UBAP2L: variants seen among roughly 807,000 people sequenced by gnomAD.
UBAP2L encodes ubiquitin associated protein 2 like.
UBAP2L carries 12 observed loss-of-function variants against 130.6 expected under a neutral mutation model. The ratio of observed to expected loss-of-function variants is 0.09; its 90% CI spans 0.06 to 0.15. UBAP2L has a LOEUF of 0.15. Among genes scored for constraint, UBAP2L ranks in the 10% least tolerant of loss-of-function variants. The pLI, the probability that UBAP2L is intolerant of heterozygous loss-of-function variation, is 1.00. For synonymous variants in UBAP2L, 503 were observed against 524.7 expected, an observed-to-expected ratio of 0.96 and a Z score of 0.57; for missense variants, 965 against 1,332.5, an observed-to-expected ratio of 0.72 and a Z score of 4.29.
intron 6 of UBAP2L, 32 bp from the exon 7 acceptor site, chr1:154,236,534 T>A: frequency 1.2e-6 from 2 of 1,613,196 alleles, no homozygotes; most frequent in Non-Finnish European, 1.7e-6. Flanking sequence ...CTAAAATACA[T>A]CTCTCTTCTC....
intron 26 of UBAP2L, chr1:154,269,472 T>C (rs1296306010): frequency 7.1e-6 from 9 of 1,270,060 alleles, no homozygotes; most frequent in African/African-American, 4.6e-5. Flanking sequence ...CATTTCACCT[T>C]CACAGCCTCA....
chr1:154,241,443 A>T, intron 8 of UBAP2L, 70 bp from the exon 9 acceptor site: 1 of 1,500,094 alleles, frequency 6.7e-7, no homozygotes, highest in South Asian at 1.2e-5. Flanking sequence ...TAATACATTG[A>T]TGTTTTCTAT....
At chr1:154,269,712 G>T (rs1684314904) in intron 26 of UBAP2L, 1 of 322,048 alleles carries the variant, frequency 3.1e-6, no homozygotes, top group Non-Finnish European at 6.1e-6. Flanking sequence ...CCTGAAATGG[G>T]CTCACAGATG....
intron 17 of UBAP2L, among the ~76,000 whole-genome samples, 168 bp from the exon 18 acceptor site, chr1:154,255,515 T>G (rs1679333127): frequency 6.6e-6 from 1 of 152,234 alleles, no homozygotes; most frequent in South Asian, 2.1e-4. Context: ...ACATCCACTT[T>G]TGCTTTAACT....
intron 8 of UBAP2L, among the ~76,000 whole-genome samples, chr1:154,238,242 G>A (rs1672318661): frequency 6.6e-6 from 1 of 152,206 alleles, no homozygotes; most frequent in African/African-American, 2.4e-5. Context: ...GGAGGCTGAA[G>A]TTGAGTTACA....
Position 154,266,547 on chromosome 1 carries a change from T to C in UBAP2L, c.2949T>C (p.Gly983=). ...SSNTGVPDIS[G]SVYSKTQQSF... Reference sequence around the variant, plus strand: ...ACACGGGCGTGCCAGATATCTCGGGTTCTGTGTACTCCAAAACCCAGGTAG... The same window carrying C: ...ACACGGGCGTGCCAGATATCTCGGGCTCTGTGTACTCCAAAACCCAGGTAG... Residue 983 remains glycine, a synonymous_variant, in exon 25 of 27, where the codon GGT becomes GGC. Transcript: ENST00000428931. 1 of 1,614,110 alleles carries C rather than the reference T, an allele frequency of 6.2e-7. No individual in the cohort carries two copies. The highest frequency in any genetic ancestry group is 8.5e-7 in the Non-Finnish European group (1 of 1,180,026).
intron 4 of UBAP2L, 25 bp from the exon 5 acceptor site, chr1:154,234,566 A>C: frequency 1.2e-6 from 2 of 1,612,762 alleles, no homozygotes; most frequent in Non-Finnish European, 1.7e-6. Flanking sequence ...TATTGATTAG[A>C]TATGAATGCT....
chr1:154,268,173 G>T (rs1286136802), intron 25 of UBAP2L, among the ~76,000 whole-genome samples: 1 of 151,762 alleles, frequency 6.6e-6, no homozygotes, highest in African/African-American at 2.4e-5. Context: ...ACAGGCATGG[G>T]CCACTGCGCC....
At chr1:154,243,396 G>T (rs1344700877) in intron 10 of UBAP2L, 94 bp downstream of exon 10, 2 of 1,053,816 alleles carry the variant, frequency 1.9e-6, no homozygotes, top group Non-Finnish European at 2.8e-6. Context: ...AACTCCCATG[G>T]TGTCAATAAT....
chr1:154,270,898 C>T (rs1684638018), downstream of UBAP2L: 2 of 1,548,692 alleles, frequency 1.3e-6, no homozygotes, highest in South Asian at 1.2e-5. Context: ...TCAATTTCGT[C>T]GATGACCAGC....
chr1:154,224,163 C>G (rs1381318444), intron 1 of UBAP2L, among the ~76,000 whole-genome samples: 1 of 152,160 alleles, frequency 6.6e-6, no homozygotes, highest in African/African-American at 2.4e-5. Context: ...CCTGTGTGTT[C>G]TGTGTCTCTT....
At chr1:154,245,458 A>T (rs1558168936) in intron 10 of UBAP2L, among the ~76,000 whole-genome samples, 2 of 152,204 alleles carry the variant, frequency 1.3e-5, no homozygotes, top group African/African-American at 2.4e-5. Context: ...GTGGGAAAAA[A>T]TATCTCTCAG....
At chr1:154,267,295 A>C (rs1683552105) in intron 25 of UBAP2L, among the ~76,000 whole-genome samples, 1 of 149,902 alleles carries the variant, frequency 6.7e-6, no homozygotes, top group African/African-American at 2.5e-5. Context: ...AGCTGGGATT[A>C]CAGGTGCCCA....
At chr1:154,250,401 A>G (rs767734984) in intron 12 of UBAP2L, among the ~76,000 whole-genome samples, 3 of 152,112 alleles carry the variant, frequency 2.0e-5, no homozygotes, top group East Asian at 1.9e-4. Flanking sequence ...GAAGGAAACA[A>G]CGTTATGCCA....
intron 25 of UBAP2L, 52 bp from the exon 26 acceptor site, chr1:154,268,703 CAA>C: frequency 1.3e-6 from 2 of 1,585,204 alleles, no homozygotes; most frequent in Non-Finnish European, 1.7e-6. Context: ...GGAAAAATCC[CAA>C]GACTAGTTTG....
At chr1:154,255,911 G>A (rs1350517435) in intron 18 of UBAP2L, among the ~76,000 whole-genome samples, 156 bp downstream of exon 18, 1 of 152,250 alleles carries the variant, frequency 6.6e-6, no homozygotes, top group Non-Finnish European at 1.5e-5. Context: ...ATGTTAGGAA[G>A]CCAAGAGAGG....
At position 154,267,964 on chromosome 1, in the gene UBAP2L, A is replaced by G. The variant is rs1425600249; in HGVS notation, c.2971-793A>G. ...GAGTGTAATGGTGCGATCTGGGCTC[A>G]CCATAACCTCCGCCTCTCGGGTTCA... On this transcript the variant is annotated intron_variant, in intron 25 of 26. Coordinates refer to ENST00000428931, the MANE Select transcript of UBAP2L (RefSeq NM_014847.4). 5.4e-5 allele frequency among the ~76,000 whole-genome samples: 7 copies of G among 129,446 alleles called. No homozygotes were observed. The South Asian group carries it at 1.4e-3, about 26-fold the overall frequency. The allele number at this position is 129,446 out of a possible 152,430, so 84.9% of individuals were successfully genotyped here.
Position 154,251,104 on chromosome 1 carries a change from C to A in UBAP2L, c.1277C>A (p.Pro426Gln). 6.2e-7 allele frequency: 1 copy of A among 1,614,130 alleles called. No individual in the cohort carries two copies. Among genetic ancestry groups the A allele is most frequent in the Non-Finnish European group, 8.5e-7 (1 of 1,180,026 alleles). ...TTTACAAAGCGCCAGGCTTTTACCC[C>A]ATCTTCAACCATGATGGAGGTGTTC... is the stretch of plus-strand genomic sequence containing the variant. ...SPFTKRQAFT[P>Q]SSTMMEVFLQ... Residue 426 changes from proline (P) to glutamine (Q), a missense_variant, in exon 13 of 27, where the codon CCA becomes CAA. By Grantham distance (76) the Pro-to-Gln change is moderately conservative. Around this residue, in one of 9 missense-constraint regions of UBAP2L, gnomAD observed 74 missense variants for 97.1 expected, o/e 0.76. Transcript: ENST00000428931.
At position 154,260,953 on chromosome 1, in the gene UBAP2L, C is replaced by G; in HGVS notation, c.2640C>G (p.Ala880=). 6.2e-7 allele frequency: 1 copy of G among 1,614,166 alleles called. No individual in the cohort carries two copies. The highest frequency in any genetic ancestry group is 8.5e-7 in the Non-Finnish European group (1 of 1,180,032). Residue 880 remains alanine, a synonymous_variant, in exon 23 of 27, where the codon GCC becomes GCG. Coordinates refer to ENST00000428931, the MANE Select transcript of UBAP2L (RefSeq NM_014847.4). ...ASSPAPATTL[A]QPQQNQTQTH... is the part of the protein sequence containing the mutation. ...CCCCAGCCCCGGCCACAACCTTGGC[C>G]CAACCCCAACAGAACCAGACGCAGA...
Sources: allele counts gnomAD v4.1 joint callset (sites outside exome capture counted in the v4.1 genomes callset), GRCh38; gene constraint gnomAD v4.1.1; regional missense constraint gnomAD v4.1.1; transcripts MANE v1.5; gene names NCBI Gene and HGNC (gene_info 2026-07-23, HGNC 2026-07-21).